RUNX1T1: variants seen among roughly 807,000 people sequenced by gnomAD.
RUNX1T1 encodes the protein RUNX1 partner transcriptional co-repressor 1.
In RUNX1T1, 4 loss-of-function variants were observed where a neutral mutation model predicts 62.8. The ratio of observed to expected loss-of-function variants is 0.06; its 90% CI spans 0.03 to 0.15. The LOEUF (loss-of-function observed/expected upper bound fraction) is 0.15, where lower values mean the gene tolerates loss of function less well. RUNX1T1 is among the 10% of genes least tolerant of loss of function. The pLI is 1.00. For synonymous variants in RUNX1T1, 291 were observed against 286.0 expected, an observed-to-expected ratio of 1.02 and a Z score of -0.18; for missense variants, 508 against 754.3, an observed-to-expected ratio of 0.67 and a Z score of 3.82.
intron 2 of RUNX1T1, among the ~76,000 whole-genome samples, chr8:92,015,945 A>G (rs1008966883): frequency 1.3e-5 from 2 of 152,180 alleles, no homozygotes; most frequent in Non-Finnish European, 2.9e-5. Context: ...CACGGTTACA[A>G]CTTGGCATTG....
At chr8:92,082,663 G>A (rs923240453) in intron 1 of RUNX1T1, among the ~76,000 whole-genome samples, 7 of 152,096 alleles carry the variant, frequency 4.6e-5, no homozygotes, top group South Asian at 2.1e-4. Flanking sequence ...TACCATTTCC[G>A]CATTGTGAGC....
chr8:92,085,419 C>G (rs1052369607), intron 1 of RUNX1T1, among the ~76,000 whole-genome samples: 5 of 152,184 alleles, frequency 3.3e-5, no homozygotes, highest in Non-Finnish European at 7.3e-5. Flanking sequence ...TTTGTACAAA[C>G]ACAGCATTCT....
intron 10 of RUNX1T1, among the ~76,000 whole-genome samples, chr8:91,966,766 T>C (rs1811714008): frequency 6.6e-6 from 1 of 152,214 alleles, no homozygotes; most frequent in South Asian, 2.1e-4. Flanking sequence ...GAAAGTACAG[T>C]AAGCATCACA....
At chr8:92,080,314 T>C (rs905611768) in intron 1 of RUNX1T1, among the ~76,000 whole-genome samples, 15 of 152,258 alleles carry the variant, frequency 9.9e-5, no homozygotes, top group Non-Finnish European at 1.5e-5. Context: ...CTCTTCTTTA[T>C]ACTATAGTAC....
Position 92,095,011 on chromosome 8 carries a change from C to T in RUNX1T1, c.-86+4569G>A, listed in dbSNP as rs1001707036. On this transcript the variant is annotated intron_variant, in intron 1 of 11. Transcript: ENST00000265814. ...AAACTAAACCCAATTAAAGATAAGG[C>T]CCTCCGGTATTCTCACCTCGGTGAG... 18 of 1,526,552 alleles carry T rather than the reference C, an allele frequency of 1.2e-5. No individual in the cohort carries two copies. The African/African-American group carries it at 2.1e-4, about 17-fold the overall frequency. The allele number at this position is 1,526,552 out of a possible 1,614,324, so 94.6% of individuals were successfully genotyped here.
chr8:92,052,549 C>T (rs1830397824), intron 1 of RUNX1T1, among the ~76,000 whole-genome samples: 1 of 152,154 alleles, frequency 6.6e-6, no homozygotes, highest in African/African-American at 2.4e-5. Flanking sequence ...GATTTCCATA[C>T]TTTTAGGACC....
intron 1 of RUNX1T1, chr8:92,017,673 T>G (rs1823280193): frequency 8.0e-7 from 1 of 1,249,046 alleles, no homozygotes; most frequent in Non-Finnish European, 1.0e-6. Context: ...CTGAAGCCAA[T>G]GTTAGCAAGA....
At chr8:91,975,882 T>G in intron 9 of RUNX1T1, 23 bp downstream of exon 10, 1 of 1,556,534 alleles carries the variant, frequency 6.4e-7, no homozygotes, top group East Asian at 2.2e-5. Context: ...AACACGAAAC[T>G]CATGTTTTTA....
chr8:91,988,586 A>G (rs1278364656), intron 6 of RUNX1T1, among the ~76,000 whole-genome samples: 2 of 152,162 alleles, frequency 1.3e-5, no homozygotes, highest in Non-Finnish European at 2.9e-5. Flanking sequence ...TAAATGTGAC[A>G]GTGACTTTCA....
rs181968098 is a variant in RUNX1T1, at chr8:92,057,387, C to T, written c.7+5159G>A. 2.2e-3 allele frequency among the ~76,000 whole-genome samples: 329 copies of T among 152,302 alleles called. 2 individuals carry two copies. The highest frequency in any genetic ancestry group is 7.5e-3 in the African/African-American group (310 of 41,568). On this transcript the variant is annotated intron_variant, in intron 1 of 10. Transcript: ENST00000396218. ...TCTACCATTTAACTTTACCTATGTC[C>T]TTGGGCAAACTGCTTAATTTATCTG...
upstream of RUNX1T1, chr8:92,102,831 G>A (rs1838103624): frequency 2.0e-6 from 3 of 1,501,462 alleles, no homozygotes; most frequent in South Asian, 3.7e-5. The surrounding 1 kb of genome is among the most constrained non-coding windows in gnomAD (Gnocchi z 4.5). Context: ...CCCGCCCGCC[G>A]GCCAAGCCCT....
At chr8:92,027,752 G>A (rs145700368) in intron 1 of RUNX1T1, among the ~76,000 whole-genome samples, 350 of 152,136 alleles carry the variant, frequency 2.3e-3, no homozygotes, top group African/African-American at 8.0e-3. Context: ...TAATGGGAGT[G>A]AACTTGGATT....
At chr8:92,059,647 G>C (rs907672791) in intron 1 of RUNX1T1, among the ~76,000 whole-genome samples, 2 of 152,150 alleles carry the variant, frequency 1.3e-5, no homozygotes, top group Non-Finnish European at 2.9e-5. Context: ...TTTCTGCAGG[G>C]ACCTTCTTAA....
At chr8:92,062,497 G>A in intron 1 of RUNX1T1, 1 of 1,576,664 alleles carries the variant, frequency 6.3e-7, no homozygotes, top group Admixed American at 1.7e-5. Context: ...TAGAAAGTAA[G>A]CTTTCTTCAT....
At chr8:91,974,739 G>A (rs962351207) in intron 9 of RUNX1T1, among the ~76,000 whole-genome samples, 2 of 152,086 alleles carry the variant, frequency 1.3e-5, no homozygotes, top group African/African-American at 4.8e-5. Context: ...AAGCTAAATG[G>A]ACCTATCTAA....
At chr8:91,996,127 G>C (rs2130926507) in intron 5 of RUNX1T1, among the ~76,000 whole-genome samples, 1 of 152,308 alleles carries the variant, frequency 6.6e-6, no homozygotes, top group African/African-American at 2.4e-5. Context: ...GTAGAAATCT[G>C]AAGTGAGAGG....
intron 1 of RUNX1T1, among the ~76,000 whole-genome samples, chr8:92,098,740 T>A (rs1377644961): frequency 6.6e-6 from 1 of 152,178 alleles, no homozygotes; most frequent in African/African-American, 2.4e-5. Context: ...GAAAACCTCC[T>A]CGAATTTCAT....
chr8:92,077,160 T>C (rs1834549060), intron 1 of RUNX1T1, among the ~76,000 whole-genome samples: 1 of 152,132 alleles, frequency 6.6e-6, no homozygotes, highest in Non-Finnish European at 1.5e-5. Context: ...ACATTATGAT[T>C]CTTTTGTGAT....
chr8:92,046,293 A>G (rs1280664129), intron 1 of RUNX1T1, among the ~76,000 whole-genome samples: 2 of 152,224 alleles, frequency 1.3e-5, no homozygotes, highest in Admixed American at 1.3e-4. Flanking sequence ...GTGGAAGCAG[A>G]TTCTAGATCA....
Sources: allele counts gnomAD v4.1 joint callset (sites outside exome capture counted in the v4.1 genomes callset), GRCh38; gene constraint gnomAD v4.1.1; non-coding constraint Gnocchi (gnomAD v3.1); transcripts MANE v1.5; gene names NCBI Gene and HGNC (gene_info 2026-07-23, HGNC 2026-07-21).